The following C2orf74 variants were observed in gnomAD, a reference collection of about 807,000 sequenced individuals.
C2orf74 encodes DPM1 ER membrane anchor 1.
In C2orf74, 14 loss-of-function variants were observed where a neutral mutation model predicts 17.9. The observed-to-expected ratio is 0.78, with a 90% CI of 0.52 to 1.22. The LOEUF is 1.22. Ranked by LOEUF, C2orf74 falls within the 50% of genes most tolerant of loss-of-function variation. The probability of loss-of-function intolerance (pLI) is 0.00; values close to 1 mark genes in which losing one functional copy is unlikely to be tolerated. For synonymous variants in C2orf74, 79 were observed against 72.6 expected (o/e 1.09, Z -0.44); for missense variants, 217 against 218.4 (o/e 0.99, Z 0.04).
intron 1 of C2orf74, among the ~76,000 whole-genome samples, chr2:61,153,772 C>T (rs1685312144): frequency 1.3e-5 from 2 of 151,138 alleles, no homozygotes; most frequent in South Asian, 4.2e-4. Context: ...ACCTGTAATC[C>T]CAGCTACTCA....
intron 1 of C2orf74, among the ~76,000 whole-genome samples, chr2:61,147,186 A>C (rs1302087657): frequency 6.6e-6 from 1 of 150,900 alleles, no homozygotes; most frequent in Non-Finnish European, 1.5e-5. Context: ...AAGAAAGAAA[A>C]AAAGGTGAAA....
intron 1 of C2orf74, among the ~76,000 whole-genome samples, chr2:61,146,606 C>T (rs993060975): frequency 6.6e-6 from 1 of 152,240 alleles, no homozygotes. Context: ...GAGGCCGAGA[C>T]GGGCAGATCA....
intron 1 of C2orf74, among the ~76,000 whole-genome samples, chr2:61,147,871 A>T (rs777382104): frequency 2.6e-5 from 4 of 151,658 alleles, no homozygotes; most frequent in Non-Finnish European, 5.9e-5. Flanking sequence ...GGGTTGGAGC[A>T]ATTCTCCTGC....
At chr2:61,154,781 T>C (rs1222991973) in intron 1 of C2orf74, among the ~76,000 whole-genome samples, 3 of 152,036 alleles carry the variant, frequency 2.0e-5, no homozygotes, top group Admixed American at 1.3e-4. Context: ...AAGGCTGGGC[T>C]AGGTGGCTCA....
upstream of C2orf74, chr2:61,162,010 C>T (rs913553412): frequency 6.4e-6 from 1 of 156,020 alleles, no homozygotes; most frequent in Non-Finnish European, 1.4e-5. Flanking sequence ...CAAATGGCCT[C>T]TAACCTGGAC....
chr2:61,156,955 A>G (rs1331536573), intron 1 of C2orf74, among the ~76,000 whole-genome samples: 2 of 152,198 alleles, frequency 1.3e-5, no homozygotes, highest in African/African-American at 2.4e-5. Flanking sequence ...ACCAATGACA[A>G]TTTAGGGACC....
At chr2:61,149,190 T>C (rs760659905) in intron 1 of C2orf74, among the ~76,000 whole-genome samples, 7 of 152,306 alleles carry the variant, frequency 4.6e-5, no homozygotes, top group Middle Eastern at 3.4e-3. Flanking sequence ...ATGGCTTGTG[T>C]ATCTGTATTC....
At chr2:61,163,494 C>G (rs1304413092) in intron 4 of C2orf74, among the ~76,000 whole-genome samples, 1 of 151,906 alleles carries the variant, frequency 6.6e-6, no homozygotes, top group African/African-American at 2.4e-5. Context: ...ATCCCAGCTA[C>G]TTGGGAGGCT....
chr2:61,147,811 A>T (rs1685113781), intron 1 of C2orf74, among the ~76,000 whole-genome samples: 1 of 152,050 alleles, frequency 6.6e-6, no homozygotes, highest in Admixed American at 6.6e-5. Context: ...TCTGTCGCCC[A>T]GGCTGGAGTG....
intron 1 of C2orf74, among the ~76,000 whole-genome samples, chr2:61,146,837 C>CA (rs143624046): frequency 6.5e-4 from 94 of 143,798 alleles, no homozygotes; most frequent in African/African-American, 1.4e-3. Context: ...GACTTCGTCT[C>CA]AAAAAAAAAA....
chr2:61,162,114 C>G (rs191644258), upstream of C2orf74: 71 of 191,176 alleles, frequency 3.7e-4, no homozygotes, highest in African/African-American at 1.6e-3. Flanking sequence ...GTCTCTCTAA[C>G]TCAAGGGCTC....
At position 61,164,617 on chromosome 2, in the gene C2orf74, C is replaced by A; in HGVS notation, c.*90C>A. ...ACAAAATCATGTTGAAACAACAAAACAATGGGGAATTAAGCAAATAAAGAT... is the reference window on the plus strand; with the variant it reads ...ACAAAATCATGTTGAAACAACAAAAAAATGGGGAATTAAGCAAATAAAGAT... On this transcript the variant is annotated 3_prime_UTR_variant, in exon 5 of 5. Coordinates refer to ENST00000432605, the MANE Select transcript of C2orf74 (RefSeq NM_001143959.4). 9.5e-7 allele frequency: 1 copy of A among 1,054,902 alleles called. No individual in the cohort carries two copies. The highest frequency in any genetic ancestry group is 2.6e-5 in the South Asian group (1 of 38,130). The allele number at this position is 1,054,902 out of a possible 1,614,324, so 65.3% of individuals were successfully genotyped here. A position where few individuals can be genotyped will look rare whatever the true frequency, so the allele number is the denominator to read the frequency against.
At chr2:61,154,849 G>C (rs923399837) in intron 1 of C2orf74, among the ~76,000 whole-genome samples, 1 of 151,866 alleles carries the variant, frequency 6.6e-6, no homozygotes, top group Non-Finnish European at 1.5e-5. Context: ...GAGGTCAGGA[G>C]TTCGAGACCA....
At chr2:61,149,832 G>A (rs1224348371) in intron 1 of C2orf74, among the ~76,000 whole-genome samples, 1 of 152,062 alleles carries the variant, frequency 6.6e-6, no homozygotes, top group Non-Finnish European at 1.5e-5. Flanking sequence ...GCCTGCCTTG[G>A]CCTCCCAAAG....
At chr2:61,153,564 G>C (rs1235715220) in intron 1 of C2orf74, among the ~76,000 whole-genome samples, 1 of 148,940 alleles carries the variant, frequency 6.7e-6, no homozygotes, top group East Asian at 2.2e-4. Context: ...TTACAGGTGT[G>C]AGCCACCGCG....
intron 4 of C2orf74, 103 bp downstream of exon 4, chr2:61,163,335 C>A: frequency 7.7e-7 from 1 of 1,292,200 alleles, no homozygotes; most frequent in South Asian, 1.5e-5. Context: ...GAGGACCGGG[C>A]GGGTGGCTCA....
At chr2:61,157,806 A>T (rs1435035754), upstream of C2orf74, 1 of 455,252 alleles carries the variant, frequency 2.2e-6, no homozygotes, top group Non-Finnish European at 4.6e-6. Flanking sequence ...GCTGTGACGG[A>T]GTCCTTTGAG....
chr2:61,162,164 G>T, upstream of C2orf74: 13 of 247,410 alleles, frequency 5.3e-5, no homozygotes, highest in South Asian at 3.1e-4. Context: ...AGAATGGGGA[G>T]CTGGGCTCAG....
chr2:61,153,898 GAA>G (rs1327069675), intron 1 of C2orf74, among the ~76,000 whole-genome samples: 5 of 99,774 alleles, frequency 5.0e-5, no homozygotes, highest in African/African-American at 2.0e-4. Flanking sequence ...CAAAAAAAAA[GAA>G]AAAGAAAGAA....
Sources: gnomAD v4.1 joint callset for allele counts (sites outside exome capture counted in the v4.1 genomes callset) on GRCh38, gnomAD v4.1.1 for gene constraint, MANE v1.5 for transcripts, NCBI Gene and HGNC (gene_info 2026-07-23, HGNC 2026-07-21) for gene names.